Variants in CD96 observed in about 807,000 individuals in gnomAD.
CD96 encodes the protein T-cell surface protein tactile.
A neutral mutation model predicts 71.3 loss-of-function variants in CD96; 70 were observed. The observed-to-expected ratio is 0.98, with a 90% CI of 0.81 to 1.20. CD96 has a LOEUF of 1.20. Among genes scored for constraint, CD96 ranks in the 50% most tolerant of loss-of-function variants. The pLI is 0.00. For synonymous variants in CD96, 248 were observed against 233.0 expected (o/e 1.06, Z -0.59); for missense variants, 742 against 677.5 (o/e 1.10, Z -1.06).
At chr3:111,567,131 A>T (rs1384769328) in intron 2 of CD96, among the ~76,000 whole-genome samples, 1 of 152,144 alleles carries the variant, frequency 6.6e-6, no homozygotes, top group Admixed American at 6.5e-5. Context: ...CTGTGAACCT[A>T]AAACTACTCC....
At chr3:111,546,766 T>C (rs1240482843) in intron 2 of CD96, among the ~76,000 whole-genome samples, 1 of 152,072 alleles carries the variant, frequency 6.6e-6, no homozygotes, top group African/African-American at 2.4e-5. Flanking sequence ...TATAGCCTCC[T>C]CTCCATGTCT....
At chr3:111,543,362 C>T (rs909122021) in intron 1 of CD96, among the ~76,000 whole-genome samples, 1 of 152,156 alleles carries the variant, frequency 6.6e-6, no homozygotes, top group Non-Finnish European at 1.5e-5. Context: ...TCCTGTATCA[C>T]TCAGTCAGAC....
chr3:111,615,624 A>G (rs750178062), intron 8 of CD96, among the ~76,000 whole-genome samples: 57 of 152,126 alleles, frequency 3.7e-4, no homozygotes, highest in Middle Eastern at 3.2e-3. Flanking sequence ...GTGTGTTTTA[A>G]TAAAAATAAT....
chr3:111,659,138 T>C (rs1251539236), intron 14 of CD96, among the ~76,000 whole-genome samples: 2 of 152,210 alleles, frequency 1.3e-5, no homozygotes, highest in African/African-American at 4.8e-5. Context: ...CAGAAATTTA[T>C]CCATTTCCTC....
chr3:111,630,307 C>G (rs1025817293), intron 10 of CD96, among the ~76,000 whole-genome samples: 2 of 151,830 alleles, frequency 1.3e-5, no homozygotes, highest in Non-Finnish European at 2.9e-5. Context: ...CAAACACAAT[C>G]AGAAATTATA....
At chr3:111,574,630 A>C (rs1417431797) in intron 3 of CD96, among the ~76,000 whole-genome samples, 2 of 152,142 alleles carry the variant, frequency 1.3e-5, no homozygotes, top group Non-Finnish European at 2.9e-5. Flanking sequence ...TAATTATTTT[A>C]TCAAGCTCCT....
intron 5 of CD96, chr3:111,593,508 G>A (rs767583888): frequency 4.6e-5 from 69 of 1,507,212 alleles, no homozygotes; most frequent in Non-Finnish European, 5.6e-5. Flanking sequence ...TACAAGTCTA[G>A]AGTCAATGTT....
chr3:111,664,429 G>A (rs1371234987), intron 14 of CD96, among the ~76,000 whole-genome samples: 2 of 152,150 alleles, frequency 1.3e-5, no homozygotes, highest in African/African-American at 4.8e-5. Context: ...AATACCACGT[G>A]TTCTCACTTA....
intron 2 of CD96, among the ~76,000 whole-genome samples, chr3:111,553,662 G>A (rs1033710368): frequency 6.6e-6 from 1 of 151,710 alleles, no homozygotes; most frequent in East Asian, 1.9e-4. Flanking sequence ...TTGATGTATA[G>A]TTTGTATAAG....
Position 111,650,097 on chromosome 3 carries a change from G to T in CD96, c.*291G>T. 1 of 390,742 alleles carries T rather than the reference G, an allele frequency of 2.6e-6. No individual in the cohort carries two copies. The highest frequency in any genetic ancestry group is 4.9e-6 in the Non-Finnish European group (1 of 205,488). The allele number at this position is 390,742 out of a possible 1,614,324, so 24.2% of individuals were successfully genotyped here. On this transcript the variant is annotated 3_prime_UTR_variant, in exon 14 of 14. Transcript: ENST00000352690. ...TCTGCCATCTTTAAAAAAAAATACA[G>T]TATTTTCATTTAAATTCTCTGATGG...
At chr3:111,645,122 C>A (rs1304907671) in intron 12 of CD96, among the ~76,000 whole-genome samples, 1 of 152,112 alleles carries the variant, frequency 6.6e-6, no homozygotes, top group Non-Finnish European at 1.5e-5. Flanking sequence ...AAATGCCCAT[C>A]AATCAATGAG....
chr3:111,613,863 A>C (rs992464627), intron 8 of CD96, among the ~76,000 whole-genome samples: 4 of 152,278 alleles, frequency 2.6e-5, no homozygotes, highest in Admixed American at 1.3e-4. Context: ...GTTAACCAGC[A>C]GCTTGAAACT....
intron 12 of CD96, among the ~76,000 whole-genome samples, chr3:111,639,147 A>T (rs1472053690): frequency 2.0e-5 from 3 of 152,162 alleles, no homozygotes; most frequent in Non-Finnish European, 4.4e-5. Context: ...GAGAAAACCC[A>T]CAGACCCTCT....
chr3:111,591,540 A>G (rs1272148666), intron 5 of CD96, among the ~76,000 whole-genome samples: 1 of 152,168 alleles, frequency 6.6e-6, no homozygotes, highest in African/African-American at 2.4e-5. Flanking sequence ...GCCCCACTCC[A>G]AAAATATGTG....
chr3:111,572,602 G>C (rs1936036355), intron 3 of CD96, among the ~76,000 whole-genome samples: 1 of 152,142 alleles, frequency 6.6e-6, no homozygotes, highest in Non-Finnish European at 1.5e-5. Flanking sequence ...ACATAGAAAT[G>C]ATGAAGGTGA....
intron 12 of CD96, among the ~76,000 whole-genome samples, chr3:111,646,230 C>A (rs747507312): frequency 2.0e-5 from 3 of 151,948 alleles, no homozygotes; most frequent in Non-Finnish European, 4.4e-5. Context: ...CATCTAACAT[C>A]GTGAGATAAA....
chr3:111,564,583 T>C (rs1480017300), intron 2 of CD96, among the ~76,000 whole-genome samples: 2 of 152,224 alleles, frequency 1.3e-5, no homozygotes, highest in Non-Finnish European at 2.9e-5. Context: ...TTCATCATTT[T>C]ATTTCTTTTA....
At chr3:111,555,605 G>A (rs1934960945) in intron 2 of CD96, among the ~76,000 whole-genome samples, 1 of 152,274 alleles carries the variant, frequency 6.6e-6, no homozygotes, top group Non-Finnish European at 1.5e-5. Context: ...TTTTGTTTTT[G>A]TTTGTTTGGT....
At chr3:111,616,673 T>A (rs182368927) in intron 8 of CD96, among the ~76,000 whole-genome samples, 2 of 152,278 alleles carry the variant, frequency 1.3e-5, no homozygotes, top group East Asian at 3.9e-4. Flanking sequence ...ACTGGCTCTG[T>A]AGCCTAGAGC....
Sources: allele counts gnomAD v4.1 joint callset (sites outside exome capture counted in the v4.1 genomes callset), GRCh38; gene constraint gnomAD v4.1.1; transcripts MANE v1.5; gene names NCBI Gene and HGNC (gene_info 2026-07-23, HGNC 2026-07-21).